Variants in PTPRD observed in about 807,000 individuals in gnomAD.
PTPRD encodes receptor-type tyrosine-protein phosphatase delta.
Under a neutral mutation model 214.5 loss-of-function variants are expected in PTPRD, and 34 were observed. That is an observed-to-expected ratio of 0.16 (90% CI 0.12 to 0.21). PTPRD has a LOEUF of 0.21. Ranked by LOEUF, PTPRD falls within the 10% of genes least tolerant of loss-of-function variation. The pLI is 1.00. For synonymous variants in PTPRD, 1,128 were observed against 845.7 expected, an observed-to-expected ratio of 1.33 and a Z score of -5.79; for missense variants, 2,545 against 2,398.7, an observed-to-expected ratio of 1.06 and a Z score of -1.27.
chr9:10,403,390 T>C (rs1039735541), intron 2 of PTPRD, among the ~76,000 whole-genome samples: 1 of 150,876 alleles, frequency 6.6e-6, no homozygotes, highest in Non-Finnish European at 1.5e-5. Flanking sequence ...GAAATTTTAG[T>C]TAATTAATTT....
chr9:9,483,341 T>C (rs889159527), intron 8 of PTPRD, among the ~76,000 whole-genome samples: 1 of 152,176 alleles, frequency 6.6e-6, no homozygotes, highest in Non-Finnish European at 1.5e-5. Flanking sequence ...GAATACAATT[T>C]AGAGTCATTT....
At chr9:10,438,514 T>A (rs1430538116) in intron 2 of PTPRD, among the ~76,000 whole-genome samples, 1 of 151,716 alleles carries the variant, frequency 6.6e-6, no homozygotes, top group African/African-American at 2.4e-5. Flanking sequence ...GTCTTTGGAC[T>A]CCAATTCGAT....
chr9:10,479,630 T>TAAAC lies in PTPRD; in HGVS notation c.-600+132767_-600+132768insGTTT, dbSNP rs1178300961. ...ACCCCATCTCTAAAAAAAGAAAACA[T>TAAAC]AAATAAATAAATAAATAAATAAATA... On this transcript the variant is annotated intron_variant, in intron 2 of 45. Transcript: ENST00000381196. Among the ~76,000 whole-genome samples the TAAAC allele has an allele frequency of 5.0e-5, 5 of 100,508 alleles. No homozygotes were observed. The Admixed American group carries it at 6.4e-4, about 13-fold the overall frequency. 65.9% of individuals were successfully genotyped at this position (100,508 alleles called of 152,430 possible).
rs149078502 is a variant in PTPRD at position 9,996,430 on chromosome 9, G to A, written c.-472+37288C>T. Among the ~76,000 whole-genome samples, 33 of 152,282 alleles carry A rather than the reference G, an allele frequency of 2.2e-4. No individual in the cohort carries two copies. The East Asian group carries it at 6.0e-3, about 28-fold the overall frequency. On this transcript the variant is annotated intron_variant, in intron 4 of 45. Transcript: ENST00000381196. Reference sequence around the variant, plus strand: ...AAAAGAAAACAAAACACTGGCAAATGAGATGTCCATAGAGAGCTCTGAGAG... The same window carrying A: ...AAAAGAAAACAAAACACTGGCAAATAAGATGTCCATAGAGAGCTCTGAGAG...
At chr9:9,000,500 C>G (rs1164893090) in intron 11 of PTPRD, among the ~76,000 whole-genome samples, 1 of 151,842 alleles carries the variant, frequency 6.6e-6, no homozygotes, top group Non-Finnish European at 1.5e-5. Context: ...GAAACTTTAA[C>G]CTATTAACCT....
At chr9:8,828,053 G>A (rs1217687489) in intron 11 of PTPRD, among the ~76,000 whole-genome samples, 1 of 152,126 alleles carries the variant, frequency 6.6e-6, no homozygotes, top group Non-Finnish European at 1.5e-5. Context: ...TAAAAAGGAA[G>A]TAAATCCCAT....
At chr9:8,838,316 G>C (rs557615320) in intron 11 of PTPRD, among the ~76,000 whole-genome samples, 1 of 147,644 alleles carries the variant, frequency 6.8e-6, no homozygotes, top group Non-Finnish European at 1.5e-5. Context: ...TGGGGATAAG[G>C]AAGTGACAAA....
intron 14 of PTPRD, among the ~76,000 whole-genome samples, chr9:8,620,669 G>A (rs183060757): frequency 1.4e-4 from 22 of 152,116 alleles, no homozygotes; most frequent in Admixed American, 1.0e-3. Flanking sequence ...TGTTACAGGA[G>A]AGAGCAGTGG....
At chr9:8,322,161 C>A (rs1829023841) in intron 44 of PTPRD, among the ~76,000 whole-genome samples, 1 of 151,972 alleles carries the variant, frequency 6.6e-6, no homozygotes, top group Non-Finnish European at 1.5e-5. Flanking sequence ...GTCTTTTTCT[C>A]CTCAGGCCTC....
intron 6 of PTPRD, among the ~76,000 whole-genome samples, chr9:9,738,153 A>G (rs897694089): frequency 2.0e-5 from 3 of 152,164 alleles, no homozygotes; most frequent in Non-Finnish European, 4.4e-5. Context: ...CCTAATGTTA[A>G]ATGACGAGTT....
chr9:9,617,504 G>C (rs2094947812), intron 7 of PTPRD, among the ~76,000 whole-genome samples: 1 of 152,190 alleles, frequency 6.6e-6, no homozygotes, highest in African/African-American at 2.4e-5. Flanking sequence ...GAAGTGTATG[G>C]AAAGGTTGAC....
chr9:10,231,598 G>A (rs1466292448), intron 3 of PTPRD, among the ~76,000 whole-genome samples: 1 of 151,940 alleles, frequency 6.6e-6, no homozygotes, highest in Admixed American at 6.6e-5. Flanking sequence ...GTGAACCTGT[G>A]TGTTACTTCC....
chr9:9,784,702 C>T (rs2098903845), intron 5 of PTPRD, among the ~76,000 whole-genome samples: 2 of 151,580 alleles, frequency 1.3e-5, no homozygotes, highest in South Asian at 4.2e-4. Context: ...AGCTTAAAAT[C>T]TGAAGTGAAG....
chr9:10,057,851 C>CAAAAAAAAAAACA (rs112975551), intron 3 of PTPRD, among the ~76,000 whole-genome samples: 2 of 140,910 alleles, frequency 1.4e-5, no homozygotes, highest in African/African-American at 2.6e-5. Context: ...CAAAAAAAAA[C>CAAAAAAAAAAACA]AAAAAAAAAA....
At chr9:9,119,010 T>C (rs897134662) in intron 10 of PTPRD, among the ~76,000 whole-genome samples, 5 of 152,140 alleles carry the variant, frequency 3.3e-5, no homozygotes, top group Non-Finnish European at 7.3e-5. Flanking sequence ...CTAAGGATAA[T>C]ATATTTCCAT....
chr9:9,746,740 G>A (rs1485160581), intron 6 of PTPRD, among the ~76,000 whole-genome samples: 8 of 151,570 alleles, frequency 5.3e-5, no homozygotes, highest in South Asian at 2.1e-4. Context: ...TAGCTCACAC[G>A]CTCTGTAGGA....
chr9:10,069,889 A>G (rs1051128144), intron 3 of PTPRD, among the ~76,000 whole-genome samples: 1 of 151,988 alleles, frequency 6.6e-6, no homozygotes, highest in Non-Finnish European at 1.5e-5. Flanking sequence ...TATATACTAT[A>G]AAAGAAGAGA....
intron 3 of PTPRD, among the ~76,000 whole-genome samples, chr9:10,066,595 T>A (rs1259491674): frequency 3.3e-5 from 5 of 151,832 alleles, no homozygotes; most frequent in African/African-American, 1.2e-4. Flanking sequence ...TGGGGGGACT[T>A]CCTACTGCAT....
chr9:9,304,046 C>G (rs1956323812), intron 9 of PTPRD, among the ~76,000 whole-genome samples: 1 of 152,122 alleles, frequency 6.6e-6, no homozygotes, highest in African/African-American at 2.4e-5. Context: ...GCTATTGCTA[C>G]TAATTTTTAC....
Sources: gnomAD v4.1 joint callset for allele counts (sites outside exome capture counted in the v4.1 genomes callset) on GRCh38, gnomAD v4.1.1 for gene constraint, MANE v1.5 for transcripts, NCBI Gene and HGNC (gene_info 2026-07-23, HGNC 2026-07-21) for gene names.